Variants in ZFHX4 observed in about 807,000 individuals in gnomAD.
ZFHX4 encodes zinc finger homeobox 4.
Under a neutral mutation model 267.6 loss-of-function variants are expected in ZFHX4, and 56 were observed. The observed-to-expected ratio is 0.21, with a 90% CI of 0.17 to 0.26. The LOEUF is 0.26. Ranked by LOEUF, ZFHX4 falls within the 10% of genes least tolerant of loss-of-function variation. ZFHX4 has a pLI of 1.00. For synonymous variants in ZFHX4, 1,778 were observed against 1,665.6 expected (o/e 1.07, Z -1.64); for missense variants, 4,332 against 4,420.0 (o/e 0.98, Z 0.56).
Position 76,865,465 on chromosome 8 carries a change from G to A in ZFHX4, c.*900G>A, listed in dbSNP as rs1486394288. The A allele has an allele frequency of 6.6e-6, 1 of 152,498 alleles. No individual in the cohort carries two copies. The highest frequency in any genetic ancestry group is 2.4e-5 in the African/African-American group (1 of 41,430). 9.4% of individuals were successfully genotyped at this position (152,498 alleles called of 1,614,324 possible). A position where few individuals can be genotyped will look rare whatever the true frequency, so the allele number is the denominator to read the frequency against. On this transcript the variant is annotated 3_prime_UTR_variant, in exon 11 of 11. Transcript: ENST00000651372. ...TGTGTCTGAACTCTAGTGCACTTAT[G>A]ATTTTGTAGACCATGTGAAATTTAA...
intron 1 of ZFHX4, among the ~76,000 whole-genome samples, chr8:76,696,449 T>A (rs1807958506): frequency 1.3e-5 from 2 of 152,042 alleles, no homozygotes; most frequent in African/African-American, 4.8e-5. Flanking sequence ...GCTGCTTGAT[T>A]TTAATTAGTC....
intron 10 of ZFHX4, among the ~76,000 whole-genome samples, chr8:76,861,062 C>T (rs1377631824): frequency 1.3e-5 from 2 of 152,072 alleles, no homozygotes; most frequent in South Asian, 2.1e-4. Flanking sequence ...ACATCTATTA[C>T]TAAAATTGGA....
chr8:76,859,663 T>G (rs951074907), intron 10 of ZFHX4, among the ~76,000 whole-genome samples: 2 of 152,142 alleles, frequency 1.3e-5, no homozygotes, highest in Admixed American at 1.3e-4. Context: ...GAACATGCCT[T>G]TTGCATTTTT....
In ZFHX4 at chr8:76,865,817, A is replaced by G. The variant is rs1813011423; in HGVS notation, c.*1252A>G. 1 of 152,534 alleles carries G rather than the reference A, an allele frequency of 6.6e-6. No homozygotes were observed. The highest frequency in any genetic ancestry group is 1.5e-5 in the Non-Finnish European group (1 of 68,008). The allele number at this position is 152,534 out of a possible 1,614,324, so 9.4% of individuals were successfully genotyped here. On this transcript the variant is annotated 3_prime_UTR_variant, in exon 11 of 11. Coordinates refer to ENST00000651372, the MANE Select transcript of ZFHX4 (RefSeq NM_024721.5). ...TGCCATTTAGTGGATAGGTTATTGT[A>G]CTTCCATTCATACTCTGGGCACTTG...
intron 3 of ZFHX4, among the ~76,000 whole-genome samples, chr8:76,762,384 C>G (rs912260918): frequency 2.6e-5 from 4 of 152,192 alleles, no homozygotes; most frequent in African/African-American, 9.6e-5. Flanking sequence ...TTAATATCTC[C>G]CTGACATTCA....
rs755255231 is a variant in ZFHX4 at position 76,864,583 on chromosome 8, C to T, written c.*18C>T. On this transcript the variant is annotated 3_prime_UTR_variant, in exon 11 of 11. Transcript: ENST00000651372. ...GTGTGTAGGAGTGAAGACAGGATCC[C>T]GTGCTTAAAAAAATAAAAAATAAAA... The T allele has an allele frequency of 1.2e-5, 17 of 1,389,602 alleles. No homozygotes were observed. Among genetic ancestry groups the T allele is most frequent in the Middle Eastern group, 4.3e-4 (2 of 4,684 alleles). The allele number at this position is 1,389,602 out of a possible 1,614,324, so 86.1% of individuals were successfully genotyped here.
intron 1 of ZFHX4, among the ~76,000 whole-genome samples, chr8:76,696,205 A>G (rs1807951927): frequency 6.6e-6 from 1 of 152,142 alleles, no homozygotes; most frequent in South Asian, 2.1e-4. Flanking sequence ...CTAATCTTAA[A>G]TTGCTTATTT....
At chr8:76,718,801 T>C (rs989411844) in intron 3 of ZFHX4, among the ~76,000 whole-genome samples, 1 of 152,064 alleles carries the variant, frequency 6.6e-6, no homozygotes, top group African/African-American at 2.4e-5. Flanking sequence ...GTTTTAAATG[T>C]CTGGTATAAT....
intron 4 of ZFHX4, among the ~76,000 whole-genome samples, chr8:76,813,078 A>G (rs1811418283): frequency 6.6e-6 from 1 of 152,166 alleles, no homozygotes; most frequent in South Asian, 2.1e-4. Flanking sequence ...TCATATACAT[A>G]TGCATAAAAG....
At chr8:76,773,583 A>G (rs1364785071) in intron 3 of ZFHX4, among the ~76,000 whole-genome samples, 1 of 152,184 alleles carries the variant, frequency 6.6e-6, no homozygotes, top group Non-Finnish European at 1.5e-5. Flanking sequence ...CGTGTAAACA[A>G]GATAAACCAC....
chr8:76,764,403 A>G lies in ZFHX4; in HGVS notation c.3094-13805A>G, dbSNP rs73693407. Among the ~76,000 whole-genome samples, 788 of 152,252 alleles carry G rather than the reference A, an allele frequency of 5.2e-3. 6 individuals are homozygous for G. Among genetic ancestry groups the G allele is most frequent in the African/African-American group, 0.018 (734 of 41,540 alleles). Reference sequence around the variant, plus strand: ...GTTCTCTAGTTTCACGGACCAGCTGAGTTTACAGAGAAATTATAGAGAGAT... The same window carrying G: ...GTTCTCTAGTTTCACGGACCAGCTGGGTTTACAGAGAAATTATAGAGAGAT... On this transcript the variant is annotated intron_variant, in intron 3 of 10. Transcript: ENST00000651372.
intron 3 of ZFHX4, among the ~76,000 whole-genome samples, chr8:76,752,675 A>C (rs952734475): frequency 6.6e-6 from 1 of 151,956 alleles, no homozygotes; most frequent in Non-Finnish European, 1.5e-5. Context: ...TGTCTCAAAA[A>C]ACAAAACAAA....
rs571237612 is a variant in ZFHX4 at position 76,699,584 on chromosome 8, A to G, written c.-46-4459A>G. ...TCAAAAGAGAGACTGAGAAACAGGCAATTCCCCTACCCTCTTCTCTTGGTT... is the reference window on the plus strand; with the variant it reads ...TCAAAAGAGAGACTGAGAAACAGGCGATTCCCCTACCCTCTTCTCTTGGTT... On this transcript the variant is annotated intron_variant, in intron 1 of 10. Transcript: ENST00000651372. Among the ~76,000 whole-genome samples the G allele has an allele frequency of 3.9e-5, 6 of 152,228 alleles. No individual in the cohort carries two copies. The East Asian group carries it at 1.2e-3, about 29-fold the overall frequency.
At chr8:76,798,944 C>T (rs982346066) in intron 4 of ZFHX4, among the ~76,000 whole-genome samples, 1 of 152,058 alleles carries the variant, frequency 6.6e-6, no homozygotes, top group Non-Finnish European at 1.5e-5. Context: ...CTTTTGCCTG[C>T]AGAGGATATT....
rs1812556638 is a variant in ZFHX4 at position 76,852,366 on chromosome 8, A to G, written c.5445A>G (p.Gln1815=). 2 of 1,553,538 alleles carry G rather than the reference A, an allele frequency of 1.3e-6. No homozygotes were observed. The highest frequency in any genetic ancestry group is 1.7e-6 in the Non-Finnish European group (2 of 1,147,930). ...ATQPQLQPQK[Q]QQQPPPPQQQ... Reference sequence around the variant, plus strand: ...AGCCCCAGCTGCAGCCTCAAAAACAACAGCAGCAGCCACCACCTCCACAGC... The same window carrying G: ...AGCCCCAGCTGCAGCCTCAAAAACAGCAGCAGCAGCCACCACCTCCACAGC... Residue 1815 remains glutamine (Q), a synonymous_variant, in exon 10 of 11, where the codon CAA becomes CAG. Coordinates refer to ENST00000651372, the MANE Select transcript of ZFHX4 (RefSeq NM_024721.5).
chr8:76,862,371 A>T (rs1244538069), intron 10 of ZFHX4, among the ~76,000 whole-genome samples: 1 of 152,192 alleles, frequency 6.6e-6, no homozygotes, highest in Non-Finnish European at 1.5e-5. Context: ...CTGTTAATAT[A>T]TGCAGTTCCT....
intron 4 of ZFHX4, among the ~76,000 whole-genome samples, chr8:76,802,129 A>G (rs1811132687): frequency 6.6e-6 from 1 of 152,084 alleles, no homozygotes; most frequent in South Asian, 2.1e-4. Flanking sequence ...TGAAATTGAA[A>G]CCTGTCTGCT....
At chr8:76,742,496 C>A (rs1162828248) in intron 3 of ZFHX4, among the ~76,000 whole-genome samples, 1 of 152,072 alleles carries the variant, frequency 6.6e-6, no homozygotes, top group Non-Finnish European at 1.5e-5. Context: ...TTAGATATTG[C>A]ACTTAATACT....
chr8:76,812,615 C>G (rs947805650), intron 4 of ZFHX4, among the ~76,000 whole-genome samples: 1 of 152,048 alleles, frequency 6.6e-6, no homozygotes, highest in African/African-American at 2.4e-5. Flanking sequence ...TACTTTTTAT[C>G]CATGTTAACT....
Sources: gnomAD v4.1 joint callset for allele counts (sites outside exome capture counted in the v4.1 genomes callset) on GRCh38, gnomAD v4.1.1 for gene constraint, MANE v1.5 for transcripts, NCBI Gene and HGNC (gene_info 2026-07-23, HGNC 2026-07-21) for gene names.